APPBP2: variants seen among roughly 807,000 people sequenced by gnomAD.
APPBP2 encodes amyloid beta precursor protein binding protein 2, also known as amyloid protein-binding protein 2.
Under a neutral mutation model 76.0 loss-of-function variants are expected in APPBP2, and 15 were observed. That is an observed-to-expected ratio of 0.20 (90% CI 0.13 to 0.30). The LOEUF (loss-of-function observed/expected upper bound fraction) is 0.30, where lower values mean the gene tolerates loss of function less well. Ranked by LOEUF, APPBP2 falls within the 10% of genes least tolerant of loss-of-function variation. APPBP2 has a pLI of 1.00. For synonymous variants in APPBP2, 222 were observed against 242.2 expected, an observed-to-expected ratio of 0.92 and a Z score of 0.77; for missense variants, 401 against 687.2, an observed-to-expected ratio of 0.58 and a Z score of 4.66.
At chr17:60,475,321 T>A (rs1251986028) in intron 4 of APPBP2, among the ~76,000 whole-genome samples, 1 of 151,952 alleles carries the variant, frequency 6.6e-6, no homozygotes, top group Non-Finnish European at 1.5e-5. Context: ...CCCAGGCAGG[T>A]CTCAAACTCC....
At chr17:60,472,175 A>C (rs1350994771) in intron 4 of APPBP2, among the ~76,000 whole-genome samples, 1 of 152,044 alleles carries the variant, frequency 6.6e-6, no homozygotes, top group Non-Finnish European at 1.5e-5. Context: ...AAAAACAAAA[A>C]CAAAACAAAA....
intron 3 of APPBP2, among the ~76,000 whole-genome samples, chr17:60,484,322 A>G (rs2090655722): frequency 6.6e-6 from 1 of 152,192 alleles, no homozygotes; most frequent in African/African-American, 2.4e-5. Flanking sequence ...CTTGCACAGT[A>G]CAGCCATTTT....
At chr17:60,457,878 A>AGGG (rs2090443199) in intron 9 of APPBP2, among the ~76,000 whole-genome samples, 4 of 152,228 alleles carry the variant, frequency 2.6e-5, no homozygotes, top group African/African-American at 7.2e-5. Context: ...ACAGAGTAGT[A>AGGG]TGCCAATCAC....
Position 60,456,277 on chromosome 17 carries a change from A to C in APPBP2, c.1147+19T>G, listed in dbSNP as rs760097608. On this transcript the variant is annotated intron_variant, in intron 10 of 12. Coordinates refer to ENST00000083182, the MANE Select transcript of APPBP2 (RefSeq NM_006380.5). ...TATCATCTATTTTAAAATATCTGAG[A>C]CTAGATTACAAAGGATACCTTTCAC... The C allele has an allele frequency of 6.8e-7, 1 of 1,479,864 alleles. No homozygotes were observed. The highest frequency in any genetic ancestry group is 9.4e-7 in the Non-Finnish European group (1 of 1,059,472). The allele number at this position is 1,479,864 out of a possible 1,614,324, so 91.7% of individuals were successfully genotyped here.
intron 1 of APPBP2, 65 bp downstream of exon 1, chr17:60,525,729 C>T (rs1262532499): frequency 6.2e-7 from 1 of 1,604,900 alleles, no homozygotes; most frequent in African/African-American, 1.3e-5. Context: ...GGTTCGCAGA[C>T]GTGGAAGGGG....
At chr17:60,513,178 T>C in intron 1 of APPBP2, 2 of 356,754 alleles carry the variant, frequency 5.6e-6, no homozygotes, top group Non-Finnish European at 5.2e-6. Flanking sequence ...CTCATCAGCC[T>C]GCCAAGACAG....
intron 4 of APPBP2, among the ~76,000 whole-genome samples, chr17:60,469,064 A>G (rs2090531839): frequency 6.6e-6 from 1 of 152,122 alleles, no homozygotes; most frequent in African/African-American, 2.4e-5. Context: ...TTTTTCTTAG[A>G]ACTAGTTTAT....
At chr17:60,495,432 T>TTTA (rs1186892615) in intron 2 of APPBP2, among the ~76,000 whole-genome samples, 14 of 128,910 alleles carry the variant, frequency 1.1e-4, no homozygotes, top group Non-Finnish European at 1.7e-4. Flanking sequence ...AAATATTTTA[T>TTTA]TTATTTATTA....
At chr17:60,467,990 G>A (rs2090524600) in intron 4 of APPBP2, among the ~76,000 whole-genome samples, 1 of 152,156 alleles carries the variant, frequency 6.6e-6, no homozygotes, top group Non-Finnish European at 1.5e-5. Flanking sequence ...GTGGAAAGGA[G>A]TTTTGTTTGC....
chr17:60,490,841 G>A (rs2090723121), intron 3 of APPBP2, among the ~76,000 whole-genome samples: 1 of 152,168 alleles, frequency 6.6e-6, no homozygotes, highest in Non-Finnish European at 1.5e-5. Context: ...CACCATGTAA[G>A]ATGTGCCTTT....
At chr17:60,497,957 G>A (rs2090789681) in intron 2 of APPBP2, among the ~76,000 whole-genome samples, 2 of 151,974 alleles carry the variant, frequency 1.3e-5, no homozygotes, top group South Asian at 4.1e-4. Flanking sequence ...TGGGCAACAT[G>A]GCGAAACCCC....
At chr17:60,494,965 G>GT (rs991175876) in intron 2 of APPBP2, among the ~76,000 whole-genome samples, 2 of 125,652 alleles carry the variant, frequency 1.6e-5, no homozygotes, top group African/African-American at 4.8e-5. Flanking sequence ...AGATAGAAGA[G>GT]TTTTTTTTGT....
intron 1 of APPBP2, among the ~76,000 whole-genome samples, chr17:60,504,106 C>T (rs1475008645): frequency 1.3e-5 from 2 of 151,942 alleles, no homozygotes; most frequent in African/African-American, 2.4e-5. Flanking sequence ...CTTTTTGTTC[C>T]AGTAATGATT....
chr17:60,506,205 C>A (rs1392793182), intron 1 of APPBP2, among the ~76,000 whole-genome samples: 1 of 151,486 alleles, frequency 6.6e-6, no homozygotes, highest in East Asian at 2.0e-4. Context: ...GTTGCCTAGC[C>A]TGGTGTACAA....
chr17:60,443,856 C>T lies in APPBP2; in HGVS notation c.*3725G>A, dbSNP rs1455298791. On this transcript the variant is annotated 3_prime_UTR_variant, in exon 13 of 13. Coordinates refer to ENST00000083182, the MANE Select transcript of APPBP2 (RefSeq NM_006380.5). ...ATGCAATAAATCCTAAAGCACACTC[C>T]TTCTGATTATCAACAGGGTAAAACC... The T allele has an allele frequency of 1.3e-5, 2 of 152,570 alleles. No individual in the cohort carries two copies. The highest frequency in any genetic ancestry group is 2.9e-5 in the Non-Finnish European group (2 of 68,018). 9.5% of individuals were successfully genotyped at this position (152,570 alleles called of 1,614,324 possible). A position where few individuals can be genotyped will look rare whatever the true frequency, so the allele number is the denominator to read the frequency against.
intron 1 of APPBP2, among the ~76,000 whole-genome samples, chr17:60,516,247 G>C (rs2090962577): frequency 6.6e-6 from 1 of 152,072 alleles, no homozygotes; most frequent in African/African-American, 2.4e-5. Context: ...TTGAGACGCT[G>C]TACAGTGCCC....
chr17:60,455,788 T>C (rs1598347036), intron 10 of APPBP2, among the ~76,000 whole-genome samples: 1 of 151,846 alleles, frequency 6.6e-6, no homozygotes, highest in Non-Finnish European at 1.5e-5. Context: ...TACTGATTTT[T>C]TTTTCTTGAG....
At chr17:60,476,125 T>C (rs1038488080) in intron 4 of APPBP2, among the ~76,000 whole-genome samples, 4 of 152,098 alleles carry the variant, frequency 2.6e-5, no homozygotes, top group African/African-American at 4.8e-5. Context: ...AACAAAGCCA[T>C]TAAATAGAAA....
At chr17:60,455,964 G>T (rs1046824257) in intron 10 of APPBP2, among the ~76,000 whole-genome samples, 12 of 152,180 alleles carry the variant, frequency 7.9e-5, no homozygotes, top group African/African-American at 2.7e-4. Flanking sequence ...TTTTAGTAAA[G>T]ATGGGGTTTC....
Sources: gnomAD v4.1 joint callset for allele counts (sites outside exome capture counted in the v4.1 genomes callset) on GRCh38, gnomAD v4.1.1 for gene constraint, MANE v1.5 for transcripts, NCBI Gene and HGNC (gene_info 2026-07-23, HGNC 2026-07-21) for gene names.